Variants in LINGO2 observed in about 807,000 individuals in gnomAD.
The protein encoded by LINGO2 is leucine rich repeat and Ig domain containing 2, also known as leucine-rich repeat and immunoglobulin-like domain-containing nogo receptor-interacting protein 2.
LINGO2 carries 14 observed loss-of-function variants against 30.6 expected under a neutral mutation model. That is an observed-to-expected ratio of 0.46 (90% CI 0.30 to 0.72). The LOEUF is 0.72. LINGO2 is among the 30% of genes least tolerant of loss of function. The pLI is 0.07. For synonymous variants in LINGO2, 317 were observed against 288.5 expected, an observed-to-expected ratio of 1.10 and a Z score of -1.00; for missense variants, 729 against 751.7, an observed-to-expected ratio of 0.97 and a Z score of 0.35.
the LINGO2 span, chr9:28,863,499 G>T: frequency 2.6e-6 from 1 of 385,432 alleles, no homozygotes; most frequent in Non-Finnish European, 5.4e-6. Flanking sequence ...CAAATAGAAG[G>T]ATTCTAGAGT....
chr9:28,565,501 A>ATTT (rs397893182), intron 1 of LINGO2, among the ~76,000 whole-genome samples: 6 of 139,092 alleles, frequency 4.3e-5, no homozygotes, highest in Non-Finnish European at 6.3e-5. Flanking sequence ...AATTATTTTT[A>ATTT]TTTTTTTTTT....
intron 2 of LINGO2, among the ~76,000 whole-genome samples, chr9:28,392,896 T>TA (rs2134697373): frequency 6.6e-6 from 1 of 152,324 alleles, no homozygotes; most frequent in South Asian, 2.1e-4. Flanking sequence ...AGTAGTTTAA[T>TA]AGATTGTTTT....
chr9:28,507,866 A>AT lies in LINGO2; in HGVS notation c.-364-31842dup, dbSNP rs201283707. Among the ~76,000 whole-genome samples, 641 of 151,866 alleles carry AT rather than the reference A, an allele frequency of 4.2e-3. 6 individuals are homozygous for AT. The highest frequency in any genetic ancestry group is 0.015 in the African/African-American group (608 of 41,428). The stretch of plus-strand genomic sequence containing the variant: ...GCAAAACTAGCATAAGTAGGTTTTG[A>AT]TTTTTTTTCTAAAAATTTCACTTAG... On this transcript the variant is annotated intron_variant, in intron 1 of 5. Coordinates refer to ENST00000379992, the Ensembl canonical transcript of LINGO2.
At chr9:29,077,306 A>G in the LINGO2 span, among the ~76,000 whole-genome samples, 408 of 152,212 alleles carry the variant, frequency 2.7e-3, 2 homozygotes, top group African/African-American at 9.5e-3. Flanking sequence ...AAAGAAACAA[A>G]TATGATCTAG....
chr9:28,272,760 G>A (rs1019759008), intron 4 of LINGO2, among the ~76,000 whole-genome samples: 3 of 151,892 alleles, frequency 2.0e-5, no homozygotes, highest in Non-Finnish European at 4.4e-5. Context: ...AGTGGTATTG[G>A]CCCAGTAATC....
chr9:28,062,605 CAAA>C (rs1295840504), intron 4 of LINGO2, among the ~76,000 whole-genome samples: 6 of 142,572 alleles, frequency 4.2e-5, no homozygotes, highest in Admixed American at 4.2e-4. Context: ...TGTATATATA[CAAA>C]ATCAAATATA....
chr9:28,205,499 A>C (rs10757718), intron 4 of LINGO2, among the ~76,000 whole-genome samples: 127,853 of 152,144 alleles, frequency 0.84, 54,044 homozygotes, highest in East Asian at 0.89. Context: ...CCTACTTAAC[A>C]TATCACTGCT....
At chr9:28,318,730 C>T (rs1824931763) in intron 3 of LINGO2, among the ~76,000 whole-genome samples, 1 of 152,072 alleles carries the variant, frequency 6.6e-6, no homozygotes, top group East Asian at 1.9e-4. Flanking sequence ...CAAAAGAGAT[C>T]CCTATATTTG....
chr9:28,287,988 A>C (rs1232899797), intron 4 of LINGO2, among the ~76,000 whole-genome samples: 1 of 152,210 alleles, frequency 6.6e-6, no homozygotes, highest in African/African-American at 2.4e-5. Context: ...ATGAAGGACA[A>C]GTGTTCCAGG....
At chr9:29,062,479 A>G in the LINGO2 span, among the ~76,000 whole-genome samples, 4,128 of 152,188 alleles carry the variant, frequency 0.027, 200 homozygotes, top group African/African-American at 0.095. Context: ...AATGTGGTAT[A>G]CATATACAAT....
chr9:28,073,243 C>T (rs1266843108), intron 4 of LINGO2, among the ~76,000 whole-genome samples: 1 of 152,032 alleles, frequency 6.6e-6, no homozygotes, highest in Non-Finnish European at 1.5e-5. Flanking sequence ...TTAAGGCCTA[C>T]CCCGTATTAG....
the LINGO2 span, among the ~76,000 whole-genome samples, chr9:28,870,088 C>T: frequency 6.6e-6 from 1 of 151,502 alleles, no homozygotes; most frequent in Non-Finnish European, 1.5e-5. Context: ...GGATTTGTTA[C>T]TTTATTTTCC....
chr9:28,720,843 C>T, the LINGO2 span, among the ~76,000 whole-genome samples: 1 of 151,840 alleles, frequency 6.6e-6, no homozygotes, highest in African/African-American at 2.4e-5. Flanking sequence ...CAGGTTTTTG[C>T]AATATAATCT....
the LINGO2 span, among the ~76,000 whole-genome samples, chr9:29,012,299 A>C: frequency 6.6e-6 from 1 of 152,114 alleles, no homozygotes; most frequent in Admixed American, 6.6e-5. Context: ...CGGAGGCTGC[A>C]GTGAGCTGAG....
chr9:28,677,654 C>A, the LINGO2 span, among the ~76,000 whole-genome samples: 2 of 152,038 alleles, frequency 1.3e-5, no homozygotes, highest in South Asian at 2.1e-4. Flanking sequence ...TGAGCCCTGG[C>A]CACCTGTGTT....
At chr9:28,503,976 A>G (rs1819998463) in intron 1 of LINGO2, among the ~76,000 whole-genome samples, 1 of 152,040 alleles carries the variant, frequency 6.6e-6, no homozygotes, top group South Asian at 2.1e-4. Flanking sequence ...TTCTCCTGAA[A>G]TTTAGTGGAT....
chr9:29,035,315 C>T, the LINGO2 span, among the ~76,000 whole-genome samples: 1 of 151,956 alleles, frequency 6.6e-6, no homozygotes, highest in East Asian at 1.9e-4. Context: ...AGTAGTGGAA[C>T]AGGTAGCCAT....
At chr9:27,945,679 T>C (rs190014695), downstream of LINGO2, among the ~76,000 whole-genome samples, 99 of 152,284 alleles carry the variant, frequency 6.5e-4, 1 homozygote, top group Non-Finnish European at 1.6e-4. Flanking sequence ...CATGGTCTAG[T>C]TGATATAACA....
chr9:28,878,540 G>GAGAATTTT, the LINGO2 span, among the ~76,000 whole-genome samples: 1 of 152,134 alleles, frequency 6.6e-6, no homozygotes, highest in African/African-American at 2.4e-5. Context: ...AACCAAAAAA[G>GAGAATTTT]AGAATTTTAG....
Sources: allele counts gnomAD v4.1 joint callset (sites outside exome capture counted in the v4.1 genomes callset), GRCh38; gene constraint gnomAD v4.1.1; transcripts MANE v1.5; gene names NCBI Gene and HGNC (gene_info 2026-07-23, HGNC 2026-07-21).